Variants in TRPC7 observed in about 807,000 individuals in gnomAD.
TRPC7 encodes the protein short transient receptor potential channel 7.
In TRPC7, 42 loss-of-function variants were observed where a neutral mutation model predicts 90.1. That is an observed-to-expected ratio of 0.47 (90% CI 0.36 to 0.60). The LOEUF (loss-of-function observed/expected upper bound fraction) is 0.60. TRPC7 is among the 20% of genes least tolerant of loss of function. The probability of loss-of-function intolerance (pLI) is 0.00; values close to 1 mark genes in which losing one functional copy is unlikely to be tolerated. For synonymous variants in TRPC7, 451 were observed against 436.3 expected, an observed-to-expected ratio of 1.03 and a Z score of -0.42; for missense variants, 955 against 1,112.3, an observed-to-expected ratio of 0.86 and a Z score of 2.01.
At chr5:136,300,281 T>C (rs1758331043) in intron 3 of TRPC7, among the ~76,000 whole-genome samples, 1 of 152,228 alleles carries the variant, frequency 6.6e-6, no homozygotes, top group Admixed American at 6.5e-5. Flanking sequence ...TCAGACATTT[T>C]GTCCTTTTCC....
chr5:136,286,900 C>A (rs1157012810), intron 3 of TRPC7, among the ~76,000 whole-genome samples: 14 of 152,198 alleles, frequency 9.2e-5, no homozygotes, highest in Non-Finnish European at 5.9e-5. Context: ...GCTACACCTA[C>A]CTGTGTTGTT....
At chr5:136,221,113 CTGTGTG>C (rs34373112) in intron 10 of TRPC7, among the ~76,000 whole-genome samples, 4 of 148,786 alleles carry the variant, frequency 2.7e-5, no homozygotes, top group African/African-American at 5.0e-5. Context: ...GTGTATGTGT[CTGTGTG>C]TGTGTGTGTG....
intron 5 of TRPC7, among the ~76,000 whole-genome samples, chr5:136,255,750 C>T (rs1756668227): frequency 6.6e-6 from 1 of 152,186 alleles, no homozygotes; most frequent in Admixed American, 6.5e-5. Flanking sequence ...TAAATCCTTG[C>T]AACAATCCTA....
chr5:136,230,794 C>T (rs183902662), intron 8 of TRPC7, among the ~76,000 whole-genome samples: 80 of 152,280 alleles, frequency 5.3e-4, no homozygotes, highest in Admixed American at 2.1e-3. Context: ...CCAGCATCAC[C>T]TCTGGAAGCT....
At chr5:136,329,409 G>C (rs986867489) in intron 2 of TRPC7, among the ~76,000 whole-genome samples, 2 of 152,180 alleles carry the variant, frequency 1.3e-5, no homozygotes, top group African/African-American at 4.8e-5. Context: ...AGCCAGATGA[G>C]GACCACAGGG....
rs141417836 is a variant in TRPC7, at chr5:136,317,960, G to T, written c.781-2181C>A. 1.1e-4 allele frequency among the ~76,000 whole-genome samples: 17 copies of T among 152,302 alleles called. 1 individual carries two copies. The East Asian group carries it at 2.7e-3, about 24-fold the overall frequency. Reference sequence around the variant, plus strand: ...TTCCCTGGGCTCTTTCAGCCAGCCTGCCATCAATAGGAGAGGCAACAGAGC... The same window carrying T: ...TTCCCTGGGCTCTTTCAGCCAGCCTTCCATCAATAGGAGAGGCAACAGAGC... On this transcript the variant is annotated intron_variant, in intron 2 of 11. Transcript: ENST00000513104.
chr5:136,299,816 C>G (rs747776483), intron 3 of TRPC7, among the ~76,000 whole-genome samples: 3 of 152,154 alleles, frequency 2.0e-5, no homozygotes, highest in Non-Finnish European at 4.4e-5. Context: ...GTTGTTCTTT[C>G]CACTTTGGGC....
At chr5:136,306,918 G>A (rs554813405) in intron 3 of TRPC7, among the ~76,000 whole-genome samples, 13 of 152,220 alleles carry the variant, frequency 8.5e-5, no homozygotes, top group East Asian at 5.8e-4. Flanking sequence ...ACCACCCTTC[G>A]CTGACTCTCT....
At chr5:136,299,261 A>G (rs528311941) in intron 3 of TRPC7, among the ~76,000 whole-genome samples, 1 of 150,852 alleles carries the variant, frequency 6.6e-6, no homozygotes, top group African/African-American at 2.4e-5. Flanking sequence ...AGATCACACC[A>G]TTGCACTTCA....
intron 4 of TRPC7, among the ~76,000 whole-genome samples, 164 bp from the exon 5 acceptor site, chr5:136,266,600 A>C (rs763440415): frequency 6.6e-6 from 1 of 152,170 alleles, no homozygotes; most frequent in Admixed American, 6.5e-5. Context: ...ATTATGTGAG[A>C]TGCTGCTTGA....
At chr5:136,330,469 A>G (rs911304467) in intron 2 of TRPC7, among the ~76,000 whole-genome samples, 2 of 152,222 alleles carry the variant, frequency 1.3e-5, no homozygotes, top group Admixed American at 1.3e-4. Context: ...TCCATGATCC[A>G]TGATCGTAAT....
At chr5:136,326,334 A>G (rs1759342635) in intron 2 of TRPC7, among the ~76,000 whole-genome samples, 1 of 152,230 alleles carries the variant, frequency 6.6e-6, no homozygotes, top group African/African-American at 2.4e-5. Flanking sequence ...ATACATGTAT[A>G]TATAGAATCA....
At chr5:136,273,374 TGAAAGTG>T (rs1264585825) in intron 4 of TRPC7, among the ~76,000 whole-genome samples, 1 of 152,218 alleles carries the variant, frequency 6.6e-6, no homozygotes, top group African/African-American at 2.4e-5. Context: ...AATTCTGATC[TGAAAGTG>T]CCTGGCATGA....
intron 3 of TRPC7, among the ~76,000 whole-genome samples, chr5:136,305,957 G>A (rs1244995630): frequency 2.6e-5 from 4 of 152,144 alleles, no homozygotes; most frequent in Non-Finnish European, 5.9e-5. Flanking sequence ...GCCCGTTTGA[G>A]CTCCTTTTTA....
intron 2 of TRPC7, among the ~76,000 whole-genome samples, chr5:136,317,018 AATGTC>A (rs1270095496): frequency 6.6e-6 from 1 of 152,224 alleles, no homozygotes; most frequent in Non-Finnish European, 1.5e-5. Context: ...GCTGTATCAA[AATGTC>A]ACTTTGCATT....
intron 11 of TRPC7, among the ~76,000 whole-genome samples, chr5:136,215,136 C>G (rs150226393): frequency 6.6e-6 from 1 of 152,240 alleles, no homozygotes; most frequent in South Asian, 2.1e-4. Context: ...TTGAGAAACA[C>G]GGCTGTCAGT....
intron 2 of TRPC7, among the ~76,000 whole-genome samples, chr5:136,351,429 T>C (rs1181055858): frequency 1.3e-5 from 2 of 152,242 alleles, no homozygotes; most frequent in Non-Finnish European, 2.9e-5. Flanking sequence ...CAAGGAAATG[T>C]ATAATATTTT....
At chr5:136,319,564 A>G (rs1310541311) in intron 2 of TRPC7, among the ~76,000 whole-genome samples, 1 of 152,124 alleles carries the variant, frequency 6.6e-6, no homozygotes, top group Non-Finnish European at 1.5e-5. Flanking sequence ...GGTTGTCTAC[A>G]TTCATGTCTC....
At chr5:136,362,105 G>A (rs1192333471) in intron 1 of TRPC7, among the ~76,000 whole-genome samples, 3 of 152,050 alleles carry the variant, frequency 2.0e-5, no homozygotes, top group Non-Finnish European at 2.9e-5. Context: ...TTTTCTAAAT[G>A]ACTATACAAT....
Sources: gnomAD v4.1 joint callset for allele counts (sites outside exome capture counted in the v4.1 genomes callset) on GRCh38, gnomAD v4.1.1 for gene constraint, MANE v1.5 for transcripts, NCBI Gene and HGNC (gene_info 2026-07-23, HGNC 2026-07-21) for gene names.